Variants in SWT1 observed in about 807,000 individuals in gnomAD.
SWT1 encodes the protein SWT1 RNA endoribonuclease homolog, also known as transcriptional protein SWT1.
SWT1 carries 33 observed loss-of-function variants against 107.3 expected under a neutral mutation model. That is an observed-to-expected ratio of 0.31 (90% CI 0.23 to 0.41). The LOEUF is 0.41. Ranked by LOEUF, SWT1 falls within the 10% of genes least tolerant of loss-of-function variation. The pLI is 1.00. For missense variants in SWT1, 898 were observed against 1,028.9 expected (o/e 0.87, Z 1.74); for synonymous variants, 345 against 348.3 (o/e 0.99, Z 0.11).
chr1:185,189,490 T>C (rs546297890), intron 9 of SWT1, among the ~76,000 whole-genome samples: 1 of 152,220 alleles, frequency 6.6e-6, no homozygotes, highest in Non-Finnish European at 1.5e-5. Flanking sequence ...CTAGTTTAGC[T>C]GCGGTAGAAC....
At chr1:185,237,306 G>A (rs1346145017) in intron 16 of SWT1, among the ~76,000 whole-genome samples, 1 of 152,104 alleles carries the variant, frequency 6.6e-6, no homozygotes, top group Non-Finnish European at 1.5e-5. Context: ...CAACCCAAAT[G>A]CCTATCAATG....
chr1:185,195,262 TC>T (rs1382231284), intron 10 of SWT1, among the ~76,000 whole-genome samples: 1 of 152,158 alleles, frequency 6.6e-6, no homozygotes, highest in Non-Finnish European at 1.5e-5. Context: ...GGTTTTCTGT[TC>T]CTGTGTTAGT....
At chr1:185,197,788 G>A (rs1049044760) in intron 10 of SWT1, among the ~76,000 whole-genome samples, 1 of 152,078 alleles carries the variant, frequency 6.6e-6, no homozygotes, top group African/African-American at 2.4e-5. Context: ...TATTTCTGTG[G>A]GATGGGTGGT....
chr1:185,261,406 G>A (rs1441136783), intron 16 of SWT1, among the ~76,000 whole-genome samples: 3 of 152,074 alleles, frequency 2.0e-5, no homozygotes, highest in African/African-American at 2.4e-5. Flanking sequence ...TCATGCATCA[G>A]TGGACCCTTA....
intron 4 of SWT1, among the ~76,000 whole-genome samples, chr1:185,173,105 T>G (rs1201302061): frequency 1.3e-5 from 2 of 152,008 alleles, no homozygotes; most frequent in Non-Finnish European, 2.9e-5. Context: ...TGTCTGTGAT[T>G]GCTAGAGAAG....
chr1:185,177,041 T>C (rs1188179379), intron 5 of SWT1: 1 of 972,482 alleles, frequency 1.0e-6, no homozygotes, highest in Non-Finnish European at 1.2e-6. Flanking sequence ...TTACGAAAAA[T>C]GGAGGAATTA....
chr1:185,252,138 T>G (rs1291424379), intron 16 of SWT1, among the ~76,000 whole-genome samples: 2 of 152,228 alleles, frequency 1.3e-5, no homozygotes, highest in Non-Finnish European at 2.9e-5. Context: ...TGCATAGTAT[T>G]CCATGGTGTA....
intron 14 of SWT1, among the ~76,000 whole-genome samples, chr1:185,217,572 C>T (rs1022271368): frequency 1.3e-5 from 2 of 151,404 alleles, no homozygotes; most frequent in Non-Finnish European, 3.0e-5. Flanking sequence ...TTGTATATTC[C>T]TTCCCTCCCT....
intron 16 of SWT1, among the ~76,000 whole-genome samples, chr1:185,238,877 T>C (rs1455748050): frequency 2.0e-5 from 3 of 152,180 alleles, no homozygotes; most frequent in Non-Finnish European, 2.9e-5. Context: ...TTGCTAAATA[T>C]TGTTTTAAAA....
At chr1:185,229,172 G>T (rs919601653) in intron 15 of SWT1, among the ~76,000 whole-genome samples, 2 of 152,166 alleles carry the variant, frequency 1.3e-5, no homozygotes, top group African/African-American at 2.4e-5. Context: ...GCGAGATACC[G>T]GTTTAGGTGT....
Position 185,208,742 on chromosome 1 carries a change from CT to C in SWT1, c.1972+1993del, listed in dbSNP as rs11444869. ...TCCATGTTAGATGTTCGATGAATAT[CT>C]TTTTTTTTTTTTTGATCTCCTAACA... On this transcript the variant is annotated intron_variant, in intron 13 of 18. Transcript: ENST00000367500. 3.3e-3 allele frequency among the ~76,000 whole-genome samples: 472 copies of C among 142,518 alleles called. 3 individuals are homozygous for C. The highest frequency in any genetic ancestry group is 0.027 in the East Asian group (130 of 4,878). The allele number at this position is 142,518 out of a possible 152,430, so 93.5% of individuals were successfully genotyped here.
At chr1:185,203,821 T>C (rs915604074) in intron 11 of SWT1, among the ~76,000 whole-genome samples, 2 of 152,138 alleles carry the variant, frequency 1.3e-5, no homozygotes, top group African/African-American at 4.8e-5. Context: ...ATTGTGAAAA[T>C]AGTCATATAT....
intron 2 of SWT1, among the ~76,000 whole-genome samples, chr1:185,161,368 A>G (rs1052607123): frequency 1.8e-4 from 28 of 152,196 alleles, no homozygotes; most frequent in Admixed American, 1.7e-3. Context: ...TGGGGAAGAC[A>G]TACTTACCAT....
intron 15 of SWT1, among the ~76,000 whole-genome samples, chr1:185,230,488 C>T (rs2102565818): frequency 6.6e-6 from 1 of 152,226 alleles, no homozygotes; most frequent in Non-Finnish European, 1.5e-5. Flanking sequence ...GAGTAGGGCC[C>T]ATTCTAATCC....
At chr1:185,242,787 C>T (rs1287636304) in intron 16 of SWT1, among the ~76,000 whole-genome samples, 3 of 151,864 alleles carry the variant, frequency 2.0e-5, no homozygotes, top group Non-Finnish European at 4.4e-5. Context: ...CTAATTCTAC[C>T]TAATGATTTA....
chr1:185,175,318 C>T (rs12751145), intron 5 of SWT1, among the ~76,000 whole-genome samples: 1 of 151,878 alleles, frequency 6.6e-6, no homozygotes, highest in Non-Finnish European at 1.5e-5. Flanking sequence ...CCTTGACCTC[C>T]TGGGTTCAAG....
At chr1:185,188,848 A>G (rs1656710974) in intron 9 of SWT1, among the ~76,000 whole-genome samples, 1 of 152,222 alleles carries the variant, frequency 6.6e-6, no homozygotes, top group Non-Finnish European at 1.5e-5. Context: ...TTACCCAGAA[A>G]TATATTTGGG....
intron 5 of SWT1, among the ~76,000 whole-genome samples, chr1:185,177,469 T>C (rs1018404507): frequency 4.6e-5 from 7 of 152,228 alleles, no homozygotes; most frequent in Admixed American, 1.3e-4. Context: ...TTAGACTCTT[T>C]ATAAACTGTT....
At chr1:185,223,780 C>T (rs930190021) in intron 15 of SWT1, among the ~76,000 whole-genome samples, 8 of 152,100 alleles carry the variant, frequency 5.3e-5, no homozygotes, top group African/African-American at 1.9e-4. Context: ...ATTGTTTTTC[C>T]TGATCCTCTC....
Sources: gnomAD v4.1 joint callset for allele counts (sites outside exome capture counted in the v4.1 genomes callset) on GRCh38, gnomAD v4.1.1 for gene constraint, MANE v1.5 for transcripts, NCBI Gene and HGNC (gene_info 2026-07-23, HGNC 2026-07-21) for gene names.